CDH11: variants seen among roughly 807,000 people sequenced by gnomAD.
CDH11 encodes the protein cadherin 11, also known as cadherin-11.
A neutral mutation model predicts 67.8 loss-of-function variants in CDH11; 11 were observed. The observed-to-expected ratio is 0.16, with a 90% CI of 0.10 to 0.27. CDH11 has a LOEUF of 0.27. Ranked by LOEUF, CDH11 falls within the 10% of genes least tolerant of loss-of-function variation. The pLI, the probability that CDH11 is intolerant of heterozygous loss-of-function variation, is 1.00. For missense variants in CDH11, 847 were observed against 1,031.2 expected, an observed-to-expected ratio of 0.82 and a Z score of 2.45; for synonymous variants, 419 against 400.0, an observed-to-expected ratio of 1.05 and a Z score of -0.57.
Position 65,072,677 on chromosome 16 carries a change from G to A in CDH11, c.-297-18749C>T, listed in dbSNP as rs561699917. Among the ~76,000 whole-genome samples the A allele has an allele frequency of 9.2e-5, 14 of 152,296 alleles. No homozygotes were observed. The South Asian group carries it at 2.1e-3, about 23-fold the overall frequency. On this transcript the variant is annotated intron_variant, in intron 1 of 12. Transcript: ENST00000268603. ...CTTGGCAGTGAAATACTTGTATATT[G>A]AAGAAAAGGATGCATGAAATTGCTT...
intron 4 of CDH11, among the ~76,000 whole-genome samples, chr16:64,996,398 G>A (rs1211289023): frequency 6.6e-6 from 1 of 151,638 alleles, no homozygotes; most frequent in Non-Finnish European, 1.5e-5. Context: ...GCTGAGGCAG[G>A]AGAATCGTTT....
chr16:65,005,862 C>T (rs2142532292), intron 2 of CDH11, among the ~76,000 whole-genome samples: 1 of 152,228 alleles, frequency 6.6e-6, no homozygotes. Context: ...ACCAACCAGC[C>T]CAAGGTCATG....
intron 1 of CDH11, among the ~76,000 whole-genome samples, chr16:65,119,913 G>C (rs900047753): frequency 2.0e-5 from 3 of 152,134 alleles, no homozygotes; most frequent in African/African-American, 7.2e-5. Context: ...TTTTGTACTA[G>C]GCTGGATTTC....
intron 1 of CDH11, among the ~76,000 whole-genome samples, chr16:65,061,158 C>T (rs1195373255): frequency 6.6e-6 from 1 of 152,168 alleles, no homozygotes; most frequent in Non-Finnish European, 1.5e-5. Flanking sequence ...CTATTTGGTC[C>T]TCCCAACTTT....
intron 2 of CDH11, among the ~76,000 whole-genome samples, chr16:65,038,900 T>A (rs2073808726): frequency 6.6e-6 from 1 of 152,216 alleles, no homozygotes; most frequent in Admixed American, 6.5e-5. Context: ...TAAGAACAGG[T>A]GAGAGAAAAG....
intron 7 of CDH11, 91 bp downstream of exon 7, chr16:64,988,066 T>C (rs1247247457): frequency 9.3e-7 from 1 of 1,070,478 alleles, no homozygotes; most frequent in Non-Finnish European, 1.3e-6. Flanking sequence ...CAAATTCTCA[T>C]TTCTTAACCG....
intron 1 of CDH11, among the ~76,000 whole-genome samples, chr16:65,074,664 G>A (rs1257496190): frequency 6.6e-6 from 1 of 152,072 alleles, no homozygotes. Flanking sequence ...CAGAATATGT[G>A]TGTGTGCACA....
chr16:64,981,956 G>A (rs2072361479), intron 8 of CDH11, 92 bp downstream of exon 8: 13 of 1,170,976 alleles, frequency 1.1e-5, no homozygotes, highest in African/African-American at 1.5e-5. Context: ...AACCCTTTTT[G>A]AAATTGAAAA....
intron 2 of CDH11, among the ~76,000 whole-genome samples, chr16:65,040,126 C>T (rs1385928507): frequency 6.6e-6 from 1 of 152,172 alleles, no homozygotes; most frequent in East Asian, 1.9e-4. Flanking sequence ...ACTAGTTCAA[C>T]CATTGTTGAA....
At chr16:65,123,169 G>T (rs1298252176), upstream of CDH11, among the ~76,000 whole-genome samples, 1 of 152,100 alleles carries the variant, frequency 6.6e-6, no homozygotes, top group East Asian at 2.0e-4. Flanking sequence ...CGGGAACGGC[G>T]TGGGGATCCG....
chr16:64,978,568 C>T (rs2072243673), intron 8 of CDH11, among the ~76,000 whole-genome samples: 1 of 152,188 alleles, frequency 6.6e-6, no homozygotes, highest in South Asian at 2.1e-4. Context: ...CTATGTGGTA[C>T]TGCTGTATGG....
At chr16:64,959,737 G>A (rs1406842733) in intron 11 of CDH11, among the ~76,000 whole-genome samples, 2 of 152,102 alleles carry the variant, frequency 1.3e-5, no homozygotes, top group East Asian at 1.9e-4. Context: ...AATTAAGGGC[G>A]AAAAATACAT....
chr16:64,981,926 T>G (rs953010102), intron 8 of CDH11, 122 bp downstream of exon 8: 14 of 814,420 alleles, frequency 1.7e-5, no homozygotes, highest in Non-Finnish European at 2.8e-5. Context: ...GTTTACATTC[T>G]ATTGAACCTG....
chr16:64,948,188 T>C (rs1382265678), intron 12 of CDH11, 89 bp from the exon 13 acceptor site: 1 of 1,500,720 alleles, frequency 6.7e-7, no homozygotes, highest in South Asian at 1.3e-5. Flanking sequence ...CCATAAACCA[T>C]GAGGTATAAA....
intron 3 of CDH11, among the ~76,000 whole-genome samples, chr16:65,001,415 C>A (rs929323952): frequency 6.6e-6 from 1 of 152,156 alleles, no homozygotes; most frequent in African/African-American, 2.4e-5. Flanking sequence ...TGCCCCACAC[C>A]GCCATCTTAG....
intron 6 of CDH11, among the ~76,000 whole-genome samples, chr16:64,990,414 T>C (rs1440851040): frequency 6.6e-6 from 1 of 152,158 alleles, no homozygotes; most frequent in Non-Finnish European, 1.5e-5. Context: ...TTCCTTGTTA[T>C]CTCATTTGCA....
chr16:65,044,921 G>A (rs2142684583), intron 2 of CDH11, among the ~76,000 whole-genome samples: 1 of 152,150 alleles, frequency 6.6e-6, no homozygotes, highest in East Asian at 1.9e-4. Flanking sequence ...GAAGGACTGG[G>A]GAAGAGAGAA....
intron 1 of CDH11, among the ~76,000 whole-genome samples, chr16:65,054,344 C>T (rs2074109215): frequency 6.6e-6 from 1 of 152,102 alleles, no homozygotes; most frequent in African/African-American, 2.4e-5. Flanking sequence ...TGAGAAGCAC[C>T]GTTCTGGTGT....
Position 65,053,862 on chromosome 16 carries a change from T to G in CDH11, c.-231A>C. On this transcript the variant is annotated 5_prime_UTR_variant, in exon 2 of 13. Transcript: ENST00000268603. ...CTGTAACACACTCCACCCATCTGAT[T>G]GGTCACTCAACAAATGACAACACGA... The G allele has an allele frequency of 2.2e-6, 1 of 456,078 alleles. No individual in the cohort carries two copies. The highest frequency in any genetic ancestry group is 4.4e-6 in the Non-Finnish European group (1 of 226,792). The allele number at this position is 456,078 out of a possible 1,614,324, so 28.3% of individuals were successfully genotyped here. A position where few individuals can be genotyped will look rare whatever the true frequency, so the allele number is the denominator to read the frequency against.
Sources: allele counts gnomAD v4.1 joint callset (sites outside exome capture counted in the v4.1 genomes callset), GRCh38; gene constraint gnomAD v4.1.1; transcripts MANE v1.5; gene names NCBI Gene and HGNC (gene_info 2026-07-23, HGNC 2026-07-21).